The following HEATR5B variants were observed in gnomAD, a reference collection of about 807,000 sequenced individuals.
HEATR5B encodes the protein HEAT repeat containing 5B, also known as HEAT repeat-containing protein 5B.
A neutral mutation model predicts 224.1 loss-of-function variants in HEATR5B; 156 were observed. The observed-to-expected ratio is 0.70, with a 90% confidence interval of 0.61 to 0.80. The LOEUF is 0.80. Among genes scored for constraint, HEATR5B ranks in the 30% least tolerant of loss-of-function variants. The pLI is 0.00. For synonymous variants in HEATR5B, 1,027 were observed against 893.0 expected (o/e 1.15, Z -2.68); for missense variants, 2,323 against 2,535.5 (o/e 0.92, Z 1.80).
chr2:37,081,915 TAC>T (rs1558389376), intron 2 of HEATR5B, among the ~76,000 whole-genome samples: 2 of 4,828 alleles, frequency 4.1e-4, no homozygotes, highest in East Asian at 0.17. Flanking sequence ...AAACCTAAAA[TAC>T]TAAGGTCAGG....
chr2:37,007,279 A>G lies in HEATR5B; in HGVS notation c.4548T>C (p.Thr1516=), dbSNP rs1171697338. 1.2e-6 allele frequency: 2 copies of G among 1,610,700 alleles called. No individual in the cohort carries two copies. The highest frequency in any genetic ancestry group is 1.7e-6 in the Non-Finnish European group (2 of 1,178,040). ...GATAGTGAAGTCTAGCTGTATCAAT[A>G]GTTTCAGGGGTATAAAATGCTCCAC... ...PDGGAFYTPE[T]IDTARLHYRN... The change falls in exon 29 of 36, where the codon ACT becomes ACC. Residue 1516 remains threonine (T), a synonymous_variant. Coordinates refer to ENST00000233099, the MANE Select transcript of HEATR5B (RefSeq NM_019024.3).
chr2:37,028,240 T>C, intron 23 of HEATR5B, 66 bp from the exon 24 acceptor site: 3 of 1,004,130 alleles, frequency 3.0e-6, no homozygotes, highest in South Asian at 3.4e-5. Flanking sequence ...TAAAAAGTTA[T>C]TAATATTAAA....
intron 9 of HEATR5B, 36 bp downstream of exon 9, chr2:37,065,719 T>C (rs371039080): frequency 1.3e-6 from 2 of 1,573,276 alleles, no homozygotes; most frequent in Non-Finnish European, 1.7e-6. Flanking sequence ...CTGAAAAAAG[T>C]GGAAACACAT....
chr2:37,064,638 A>C (rs1023092206), intron 10 of HEATR5B, 102 bp downstream of exon 10: 1 of 1,115,312 alleles, frequency 9.0e-7, no homozygotes, highest in African/African-American at 1.5e-5. Context: ...AACATAGTAC[A>C]ACTGTTATTT....
rs1326789779 is a variant in HEATR5B, at chr2:37,064,767, A to G, written c.1557T>C (p.Pro519=). The G allele has an allele frequency of 7.4e-6, 12 of 1,614,080 alleles. No homozygotes were observed. The highest frequency in any genetic ancestry group is 5.5e-5 in the South Asian group (5 of 91,072). The change falls in exon 10 of 36, where the codon CCT becomes CCC. Residue 519 remains proline (P), a synonymous_variant. Coordinates refer to ENST00000233099, the MANE Select transcript of HEATR5B (RefSeq NM_019024.3). Reference sequence around the variant, plus strand: ...TTCCTTTGGCATGAGGAATGCCCAAAGGACACTGATGTACTCCACCTAACA... The same window carrying G: ...TTCCTTTGGCATGAGGAATGCCCAAGGGACACTGATGTACTCCACCTAACA... ...AALLGGVHQC[P]LGIPHAKGKM...
chr2:37,058,655 C>T (rs1386536814), intron 13 of HEATR5B, 95 bp from the exon 14 acceptor site: 2 of 823,714 alleles, frequency 2.4e-6, no homozygotes, highest in Admixed American at 2.1e-5. Flanking sequence ...CCAAACTACA[C>T]TGATAAGTAT....
At chr2:37,007,605 G>C (rs754107299) in intron 28 of HEATR5B, among the ~76,000 whole-genome samples, 2 of 152,030 alleles carry the variant, frequency 1.3e-5, no homozygotes, top group African/African-American at 2.4e-5. Flanking sequence ...AAAGTGCTGG[G>C]ATTACAGGCA....
chr2:37,074,611 G>A (rs1004579104), intron 5 of HEATR5B, among the ~76,000 whole-genome samples: 3 of 152,134 alleles, frequency 2.0e-5, no homozygotes, highest in Non-Finnish European at 4.4e-5. Context: ...AGAGAATAAA[G>A]AGACAGGCCA....
chr2:37,068,843 A>G lies in HEATR5B; in HGVS notation c.1015T>C (p.Ser339Pro). The G allele has an allele frequency of 6.2e-7, 1 of 1,614,126 alleles. No homozygotes were observed. Among genetic ancestry groups the G allele is most frequent in the East Asian group, 2.2e-5 (1 of 44,874 alleles). ...TFLSHVLDLV[S>P]HPRATQTHVE... Reference sequence around the variant, plus strand: ...TGTGTTTGTGTTGCCCGAGGATGGGAAACCAGATCAAGTACATGGGACAGG... The same window carrying G: ...TGTGTTTGTGTTGCCCGAGGATGGGGAACCAGATCAAGTACATGGGACAGG... Residue 339 changes from serine (S) to proline (P), a missense_variant, in exon 8 of 36, where the codon TCC becomes CCC. Physicochemically the swap from Ser to Pro is moderately conservative, Grantham distance 74. Around this residue, in one of 12 missense-constraint regions of HEATR5B, gnomAD observed 502 missense variants for 517.8 expected, o/e 0.97. Coordinates refer to ENST00000233099, the MANE Select transcript of HEATR5B (RefSeq NM_019024.3).
intron 13 of HEATR5B, 71 bp downstream of exon 13, chr2:37,058,817 C>T (rs1671072747): frequency 2.1e-6 from 2 of 971,442 alleles, no homozygotes; most frequent in Non-Finnish European, 3.1e-6. Context: ...GAAGAAAGCA[C>T]AAAATATGGC....
chr2:37,040,957 A>G (rs970593195), intron 19 of HEATR5B, 176 bp downstream of exon 19: 2 of 568,102 alleles, frequency 3.5e-6, no homozygotes, highest in African/African-American at 1.9e-5. Flanking sequence ...AATTCTCAGA[A>G]TAAGACAGAC....
chr2:37,060,165 T>G (rs1194830288), intron 12 of HEATR5B, among the ~76,000 whole-genome samples: 13 of 152,352 alleles, frequency 8.5e-5, no homozygotes, highest in Non-Finnish European at 1.5e-5. Flanking sequence ...GATAAGGATG[T>G]GAAAAAACAG....
intron 35 of HEATR5B, among the ~76,000 whole-genome samples, chr2:36,985,515 T>C (rs1665891034): frequency 6.8e-6 from 1 of 146,828 alleles, no homozygotes; most frequent in African/African-American, 2.5e-5. Context: ...TGGAGTGCAG[T>C]GGTGTGATCT....
At chr2:37,018,314 T>C (rs1317355988) in intron 26 of HEATR5B, among the ~76,000 whole-genome samples, 1 of 152,200 alleles carries the variant, frequency 6.6e-6, no homozygotes, top group African/African-American at 2.4e-5. Flanking sequence ...TTGTAGGAGA[T>C]TTTGTCTGCT....
At chr2:37,024,202 C>A (rs1043170416) in intron 24 of HEATR5B, among the ~76,000 whole-genome samples, 4 of 152,128 alleles carry the variant, frequency 2.6e-5, no homozygotes, top group African/African-American at 9.7e-5. Context: ...AAAAGTTAAT[C>A]TAACAGAAGT....
intron 35 of HEATR5B, among the ~76,000 whole-genome samples, chr2:36,984,197 T>C (rs1165902308): frequency 2.8e-5 from 1 of 36,230 alleles, no homozygotes; most frequent in Non-Finnish European, 4.8e-5. Flanking sequence ...TGAAACTCTG[T>C]CTCAAAAAAA....
intron 33 of HEATR5B, among the ~76,000 whole-genome samples, chr2:36,999,041 C>A (rs369643263): frequency 2.0e-5 from 3 of 151,872 alleles, no homozygotes; most frequent in Non-Finnish European, 2.9e-5. Context: ...GGTGAAACCC[C>A]GTCTCTACTA....
At chr2:37,055,970 C>A (rs866605356) in intron 16 of HEATR5B, among the ~76,000 whole-genome samples, 1 of 152,170 alleles carries the variant, frequency 6.6e-6, no homozygotes, top group Non-Finnish European at 1.5e-5. Flanking sequence ...TTTCCAAGTT[C>A]TAGACTTGAA....
chr2:37,044,809 C>T (rs1670089522), intron 18 of HEATR5B, among the ~76,000 whole-genome samples: 2 of 152,314 alleles, frequency 1.3e-5, no homozygotes, highest in Non-Finnish European at 2.9e-5. Flanking sequence ...TCCCAGAAGT[C>T]ACTGAGACTC....
Sources: allele counts gnomAD v4.1 joint callset (sites outside exome capture counted in the v4.1 genomes callset), GRCh38; gene constraint gnomAD v4.1.1; regional missense constraint gnomAD v4.1.1; transcripts MANE v1.5; gene names NCBI Gene and HGNC (gene_info 2026-07-23, HGNC 2026-07-21).